The following GALNTL6 variants were observed in gnomAD, a reference collection of about 807,000 sequenced individuals.
GALNTL6 encodes the protein polypeptide N-acetylgalactosaminyltransferase like 6.
In GALNTL6, 46 loss-of-function variants were observed where a neutral mutation model predicts 73.7. The observed-to-expected ratio is 0.62, with a 90% CI of 0.49 to 0.80. The LOEUF (loss-of-function observed/expected upper bound fraction) is 0.80, where lower values mean the gene tolerates loss of function less well. Ranked by LOEUF, GALNTL6 falls within the 30% of genes least tolerant of loss-of-function variation. The probability of loss-of-function intolerance (pLI) is 0.00; values close to 1 mark genes in which losing one functional copy is unlikely to be tolerated. For synonymous variants in GALNTL6, 259 were observed against 263.7 expected, an observed-to-expected ratio of 0.98 and a Z score of 0.17; for missense variants, 604 against 755.0, an observed-to-expected ratio of 0.80 and a Z score of 2.34.
chr4:172,696,684 T>C (rs1323982995), intron 5 of GALNTL6, among the ~76,000 whole-genome samples: 1 of 152,184 alleles, frequency 6.6e-6, no homozygotes, highest in Non-Finnish European at 1.5e-5. Flanking sequence ...TTGCTGCTCC[T>C]TCATCTTCCA....
At chr4:172,286,606 AC>A (rs949698092) in intron 3 of GALNTL6, among the ~76,000 whole-genome samples, 62 of 152,254 alleles carry the variant, frequency 4.1e-4, no homozygotes, top group African/African-American at 1.4e-3. Flanking sequence ...TCACTAAAGG[AC>A]TCAGGAATTA....
intron 9 of GALNTL6, among the ~76,000 whole-genome samples, chr4:172,931,765 C>A (rs1309005723): frequency 6.6e-6 from 1 of 152,160 alleles, no homozygotes; most frequent in Non-Finnish European, 1.5e-5. Flanking sequence ...CAAATTTTGC[C>A]CCATCCTCAA....
At chr4:172,572,513 C>T (rs1736798510) in intron 5 of GALNTL6, among the ~76,000 whole-genome samples, 1 of 152,152 alleles carries the variant, frequency 6.6e-6, no homozygotes, top group South Asian at 2.1e-4. Flanking sequence ...CTGCTATACA[C>T]TCTCCCACTT....
intron 2 of GALNTL6, among the ~76,000 whole-genome samples, chr4:171,928,703 T>C (rs1436237774): frequency 6.6e-6 from 1 of 152,180 alleles, no homozygotes; most frequent in Non-Finnish European, 1.5e-5. Flanking sequence ...CCCCTTTCTA[T>C]GTTTAGATAG....
intron 5 of GALNTL6, among the ~76,000 whole-genome samples, chr4:172,617,175 G>T (rs571586057): frequency 1.3e-5 from 2 of 151,922 alleles, no homozygotes; most frequent in African/African-American, 4.8e-5. Context: ...GGCATTTTGG[G>T]TGTAGGATAT....
intron 5 of GALNTL6, among the ~76,000 whole-genome samples, chr4:172,436,991 C>T (rs1731655386): frequency 6.6e-6 from 1 of 152,030 alleles, no homozygotes; most frequent in Non-Finnish European, 1.5e-5. Flanking sequence ...CGGTAAACTA[C>T]CCCAATCTTC....
intron 10 of GALNTL6, among the ~76,000 whole-genome samples, chr4:172,986,242 A>T (rs1469332719): frequency 6.6e-6 from 1 of 152,240 alleles, no homozygotes; most frequent in Non-Finnish European, 1.5e-5. Flanking sequence ...CTTAAAGGTA[A>T]GAGGAGTGAA....
Position 171,924,639 on chromosome 4 carries a change from T to C in GALNTL6, c.138+109921T>C, listed in dbSNP as rs368795512. On this transcript the variant is annotated intron_variant, in intron 2 of 12. Transcript: ENST00000506823. ...TATTCATCTTTGAGCCACCAAAGCA[T>C]AGCACTTGCCTGTCACAGGGAAGGT... Among the ~76,000 whole-genome samples the C allele has an allele frequency of 6.6e-5, 10 of 152,316 alleles. No homozygotes were observed. In the East Asian group the frequency reaches 9.6e-4, roughly 15 times the overall value.
chr4:172,202,011 C>T (rs949674670), intron 2 of GALNTL6, among the ~76,000 whole-genome samples: 2 of 152,084 alleles, frequency 1.3e-5, no homozygotes, highest in African/African-American at 2.4e-5. Context: ...TTCAAAAGCA[C>T]GTTAACCATC....
intron 5 of GALNTL6, among the ~76,000 whole-genome samples, chr4:172,363,919 T>C (rs911499606): frequency 6.6e-6 from 1 of 152,200 alleles, no homozygotes; most frequent in African/African-American, 2.4e-5. Flanking sequence ...TGCACACTAA[T>C]GATGTATGTC....
chr4:172,325,323 A>C (rs190974741), intron 4 of GALNTL6, among the ~76,000 whole-genome samples: 1 of 151,982 alleles, frequency 6.6e-6, no homozygotes, highest in Non-Finnish European at 1.5e-5. Flanking sequence ...ATAAAACATT[A>C]AATTTGTAAT....
chr4:171,893,445 T>C (rs996598097), intron 2 of GALNTL6, among the ~76,000 whole-genome samples: 2 of 152,134 alleles, frequency 1.3e-5, no homozygotes, highest in Admixed American at 1.3e-4. Flanking sequence ...ATAGTACCAG[T>C]GTGGTACCTT....
intron 3 of GALNTL6, among the ~76,000 whole-genome samples, chr4:172,240,478 AC>A (rs1365182600): frequency 4.0e-5 from 6 of 151,266 alleles, no homozygotes; most frequent in African/African-American, 1.5e-4. Flanking sequence ...TGATCCACCC[AC>A]CTCAACATCC....
chr4:172,533,031 G>C, intron 5 of GALNTL6, among the ~76,000 whole-genome samples: 1 of 76,056 alleles, frequency 1.3e-5, no homozygotes, highest in Admixed American at 1.3e-4. Flanking sequence ...TTTTTTTTTT[G>C]AGATGGAGTC....
At chr4:172,341,169 T>G (rs1300391687) in intron 4 of GALNTL6, among the ~76,000 whole-genome samples, 1 of 152,154 alleles carries the variant, frequency 6.6e-6, no homozygotes, top group African/African-American at 2.4e-5. Flanking sequence ...AATAATTGTT[T>G]CATATTCAAA....
chr4:171,981,849 C>T (rs999527933), intron 2 of GALNTL6, among the ~76,000 whole-genome samples: 2 of 151,640 alleles, frequency 1.3e-5, no homozygotes. Flanking sequence ...AGATTTATTT[C>T]TCTTCCTTAA....
chr4:172,359,950 A>G (rs1469667879), intron 5 of GALNTL6, among the ~76,000 whole-genome samples: 1 of 152,194 alleles, frequency 6.6e-6, no homozygotes, highest in Non-Finnish European at 1.5e-5. Flanking sequence ...GAGTCCCTGA[A>G]CATATTGTTT....
intron 4 of GALNTL6, among the ~76,000 whole-genome samples, chr4:172,337,454 AT>A (rs1286495778): frequency 6.6e-6 from 1 of 152,098 alleles, no homozygotes. Context: ...TCCTATATGG[AT>A]CTTTTATAAG....
intron 2 of GALNTL6, among the ~76,000 whole-genome samples, chr4:172,182,912 A>T (rs956499414): frequency 1.3e-5 from 2 of 152,122 alleles, no homozygotes; most frequent in East Asian, 3.9e-4. Context: ...TAGATTAGGT[A>T]GGGTATTATA....
Sources: gnomAD v4.1 joint callset for allele counts (sites outside exome capture counted in the v4.1 genomes callset) on GRCh38, gnomAD v4.1.1 for gene constraint, MANE v1.5 for transcripts, NCBI Gene and HGNC (gene_info 2026-07-23, HGNC 2026-07-21) for gene names.